The following FAM135B variants were observed in gnomAD, a reference collection of about 807,000 sequenced individuals.
FAM135B encodes family with sequence similarity 135 member B.
A neutral mutation model predicts 127.7 loss-of-function variants in FAM135B; 43 were observed. The ratio of observed to expected loss-of-function variants is 0.34; its 90% CI spans 0.26 to 0.43. The LOEUF is 0.43. FAM135B is among the 20% of genes least tolerant of loss of function. The pLI is 1.00. For synonymous variants in FAM135B, 670 were observed against 665.1 expected (o/e 1.01, Z -0.11); for missense variants, 1,558 against 1,725.6 (o/e 0.90, Z 1.72).
At chr8:138,361,898 A>G (rs941773546) in intron 2 of FAM135B, among the ~76,000 whole-genome samples, 2 of 152,086 alleles carry the variant, frequency 1.3e-5, no homozygotes, top group Non-Finnish European at 2.9e-5. Flanking sequence ...CTGTTTCTTC[A>G]TAGTATCCCC....
chr8:138,217,493 C>A (rs977539767), intron 7 of FAM135B, among the ~76,000 whole-genome samples: 2 of 147,396 alleles, frequency 1.4e-5, no homozygotes, highest in African/African-American at 5.1e-5. Flanking sequence ...TGCAGTGGCA[C>A]GATCTCGGCT....
At chr8:138,405,772 C>A (rs1648210083) in intron 1 of FAM135B, among the ~76,000 whole-genome samples, 1 of 152,034 alleles carries the variant, frequency 6.6e-6, no homozygotes, top group Admixed American at 6.5e-5. Flanking sequence ...AGTTCTAGAT[C>A]CCTGAGGAAT....
intron 1 of FAM135B, among the ~76,000 whole-genome samples, chr8:138,456,676 A>G (rs1836799083): frequency 6.6e-6 from 1 of 152,172 alleles, no homozygotes; most frequent in African/African-American, 2.4e-5. Flanking sequence ...TTTTCCTAGG[A>G]ATCATCTTCA....
At chr8:138,227,425 G>T (rs1279002098) in intron 7 of FAM135B, among the ~76,000 whole-genome samples, 1 of 152,204 alleles carries the variant, frequency 6.6e-6, no homozygotes, top group Non-Finnish European at 1.5e-5. Flanking sequence ...GCTGGGACCT[G>T]CCTTGGATCC....
At chr8:138,211,563 T>C (rs1317895123) in intron 7 of FAM135B, among the ~76,000 whole-genome samples, 3 of 152,362 alleles carry the variant, frequency 2.0e-5, no homozygotes, top group Admixed American at 6.5e-5. Flanking sequence ...GTTAAACATA[T>C]GGCCATGCTG....
At chr8:138,191,232 C>A (rs913754851) in intron 9 of FAM135B, among the ~76,000 whole-genome samples, 1 of 152,218 alleles carries the variant, frequency 6.6e-6, no homozygotes, top group Non-Finnish European at 1.5e-5. Context: ...CTATGGCCTG[C>A]CCAATGCTGG....
At chr8:138,420,816 C>A (rs1834451702) in intron 1 of FAM135B, among the ~76,000 whole-genome samples, 1 of 152,104 alleles carries the variant, frequency 6.6e-6, no homozygotes. Flanking sequence ...AAGCCCTAAA[C>A]AAACTAGGAA....
intron 7 of FAM135B, among the ~76,000 whole-genome samples, chr8:138,222,383 C>T (rs1819093660): frequency 1.3e-5 from 2 of 152,084 alleles, no homozygotes; most frequent in South Asian, 2.1e-4. Flanking sequence ...TCTATATATG[C>T]CCCCTCCCCA....
rs556570099 is a variant in FAM135B, at chr8:138,174,409, G to A, written c.1103+2938C>T. 3.9e-5 allele frequency among the ~76,000 whole-genome samples: 6 copies of A among 152,112 alleles called. No homozygotes were observed. The South Asian group carries it at 8.3e-4, about 21-fold the overall frequency. ...TCCAGGTGTGCAGAACCACGTTAAC[G>A]CACAGGTGCCAGCCCTGCATAGCCC... On this transcript the variant is annotated intron_variant, in intron 11 of 19. Coordinates refer to ENST00000395297, the MANE Select transcript of FAM135B (RefSeq NM_015912.4).
At chr8:138,309,180 G>A (rs1826478870) in intron 3 of FAM135B, 2 of 297,832 alleles carry the variant, frequency 6.7e-6, no homozygotes, top group Non-Finnish European at 1.3e-5. Flanking sequence ...GGTTCACGCA[G>A]GGCAGGGTCC....
chr8:138,266,302 A>G (rs894378837), intron 3 of FAM135B, among the ~76,000 whole-genome samples: 2 of 152,144 alleles, frequency 1.3e-5, no homozygotes, highest in Non-Finnish European at 2.9e-5. Flanking sequence ...CTTGCACATC[A>G]TGCATGTCAT....
chr8:138,225,858 C>T (rs577500741), intron 7 of FAM135B, among the ~76,000 whole-genome samples: 1 of 152,238 alleles, frequency 6.6e-6, no homozygotes, highest in South Asian at 2.1e-4. Flanking sequence ...TAGCAGCTGG[C>T]AGGGTGGTGG....
At chr8:138,299,369 T>C (rs954720962) in intron 3 of FAM135B, among the ~76,000 whole-genome samples, 1 of 152,154 alleles carries the variant, frequency 6.6e-6, no homozygotes, top group African/African-American at 2.4e-5. Flanking sequence ...GAAAATTTCA[T>C]GTTTTTATTA....
rs1254045718 is a variant in FAM135B, at chr8:138,151,846, C to T, written c.2629G>A (p.Gly877Ser). 1 of 1,614,140 alleles carries T rather than the reference C, an allele frequency of 6.2e-7. No individual in the cohort carries two copies. The highest frequency in any genetic ancestry group is 1.7e-5 in the Admixed American group (1 of 60,018). ...ACGCGTGGTATTTTTAAATTAAGAC[C>T]TTTGGTTTCAACACCTGGAGTGTTC... ...TENTPGVETK[G>S]LNLKIPRVIA... The change falls in exon 13 of 20, where the codon GGT (glycine) becomes AGT (serine). Residue 877 changes from glycine to serine, a missense_variant. By Grantham distance (56) the Gly-to-Ser change is moderately conservative. Around this residue, in one of 5 missense-constraint regions of FAM135B, gnomAD observed 923 missense variants for 865.3 expected, o/e 1.07. Transcript: ENST00000395297.
intron 7 of FAM135B, among the ~76,000 whole-genome samples, chr8:138,224,552 A>G (rs1819266211): frequency 6.6e-6 from 1 of 152,204 alleles, no homozygotes; most frequent in South Asian, 2.1e-4. Context: ...ATATGTGACT[A>G]AAGGTTCCAC....
intron 1 of FAM135B, among the ~76,000 whole-genome samples, chr8:138,373,538 T>C (rs1391506066): frequency 6.6e-6 from 1 of 151,534 alleles, no homozygotes; most frequent in Non-Finnish European, 1.5e-5. Flanking sequence ...CTGGGCTCCT[T>C]GAAAAAAGAA....
At chr8:138,216,763 G>T (rs1313670642) in intron 7 of FAM135B, among the ~76,000 whole-genome samples, 1 of 152,158 alleles carries the variant, frequency 6.6e-6, no homozygotes, top group Non-Finnish European at 1.5e-5. Flanking sequence ...TCTAAACTCT[G>T]ATTAATCCAC....
At chr8:138,306,603 G>A (rs1563879849) in intron 3 of FAM135B, among the ~76,000 whole-genome samples, 2 of 134,490 alleles carry the variant, frequency 1.5e-5, no homozygotes, top group South Asian at 2.3e-4. Context: ...TTTTTTTTGA[G>A]ACAGAGTCTC....
rs1016954271 is a variant in FAM135B at position 138,250,960 on chromosome 8, G to A, written c.423C>T (p.His141=). Residue 141 remains histidine (H), a synonymous_variant, in exon 6 of 20, where the codon CAC becomes CAT. Transcript: ENST00000395297. ...GGTGCAGACCATTCCGGGGGTGGAAGTGCAGGCCAAGCGTTCGGCTGCTGA... is the reference window on the plus strand; with the variant it reads ...GGTGCAGACCATTCCGGGGGTGGAAATGCAGGCCAAGCGTTCGGCTGCTGA... ...PMVSSRTLGL[H]FHPRNGLHHQ... is the part of the protein sequence containing the mutation. 1.9e-6 allele frequency: 3 copies of A among 1,613,808 alleles called. No individual in the cohort carries two copies. The highest frequency in any genetic ancestry group is 2.7e-5 in the African/African-American group (2 of 74,832).
Sources: gnomAD v4.1 joint callset for allele counts (sites outside exome capture counted in the v4.1 genomes callset) on GRCh38, gnomAD v4.1.1 for gene constraint, gnomAD v4.1.1 regional missense constraint, MANE v1.5 for transcripts, NCBI Gene and HGNC (gene_info 2026-07-23, HGNC 2026-07-21) for gene names.